FHIT: variants seen among roughly 807,000 people sequenced by gnomAD.
The protein encoded by FHIT is bis(5'-adenosyl)-triphosphatase.
Under a neutral mutation model 17.9 loss-of-function variants are expected in FHIT, and 19 were observed. The observed-to-expected ratio is 1.06, with a 90% confidence interval of 0.74 to 1.56. FHIT has a LOEUF of 1.56. Ranked by LOEUF, FHIT falls within the 40% of genes most tolerant of loss-of-function variation. The probability of loss-of-function intolerance (pLI) is 0.00; values close to 1 mark genes in which losing one functional copy is unlikely to be tolerated. For missense variants in FHIT, 248 were observed against 189.2 expected (o/e 1.31, Z -1.82); for synonymous variants, 81 against 69.7 (o/e 1.16, Z -0.81).
At chr3:59,804,064 TTCA>T (rs1480944312) in intron 8 of FHIT, among the ~76,000 whole-genome samples, 1 of 152,226 alleles carries the variant, frequency 6.6e-6, no homozygotes, top group Non-Finnish European at 1.5e-5. Flanking sequence ...GATGTGCATA[TTCA>T]TCATTGATGT....
chr3:59,871,611 A>G (rs1451436818), intron 8 of FHIT, among the ~76,000 whole-genome samples: 1 of 152,176 alleles, frequency 6.6e-6, no homozygotes, highest in Non-Finnish European at 1.5e-5. Context: ...GCCCACTCCA[A>G]AGAACTGATA....
At chr3:60,733,031 A>G (rs1215110834) in intron 4 of FHIT, among the ~76,000 whole-genome samples, 2 of 151,974 alleles carry the variant, frequency 1.3e-5, no homozygotes, top group Non-Finnish European at 2.9e-5. Flanking sequence ...TCTCACCCCC[A>G]TCTTTTTTTA....
chr3:60,890,221 T>TAAAAAAAAAAAAAAA lies in FHIT; in HGVS notation c.-110-68225_-110-68211dup, dbSNP rs59950717. Among the ~76,000 whole-genome samples, 40 of 115,624 alleles carry TAAAAAAAAAAAAAAA rather than the reference T, an allele frequency of 3.5e-4. 1 individual carries two copies. Among genetic ancestry groups the TAAAAAAAAAAAAAAA allele is most frequent in the African/African-American group, 1.1e-3 (28 of 26,406 alleles). The allele number at this position is 115,624 out of a possible 152,430, so 75.9% of individuals were successfully genotyped here. A position where few individuals can be genotyped will look rare whatever the true frequency, so the allele number is the denominator to read the frequency against. On this transcript the variant is annotated intron_variant, in intron 3 of 9. Coordinates refer to ENST00000492590, the MANE Select transcript of FHIT (RefSeq NM_002012.4). ...TTCCAAAAAATTAGCTTCCATGATGTAAAAAAAAAAAAAAAAAAAAAAAAA... is the reference window on the plus strand; with the variant it reads ...TTCCAAAAAATTAGCTTCCATGATGTAAAAAAAAAAAAAAAAAAAAAAAAAAAAAAAAAAAAAAAA...
chr3:60,601,792 A>G (rs370960292), intron 4 of FHIT, among the ~76,000 whole-genome samples: 1 of 152,202 alleles, frequency 6.6e-6, no homozygotes, highest in East Asian at 1.9e-4. Context: ...GAAACTAAAA[A>G]GAATCTTCAA....
chr3:60,349,308 T>C (rs1208825772), intron 5 of FHIT, among the ~76,000 whole-genome samples: 1 of 152,172 alleles, frequency 6.6e-6, no homozygotes, highest in African/African-American at 2.4e-5. Flanking sequence ...TTCTAGGTAC[T>C]GAGAAGATTC....
chr3:60,402,742 A>G (rs1184187382), intron 5 of FHIT, among the ~76,000 whole-genome samples: 2 of 152,210 alleles, frequency 1.3e-5, no homozygotes, highest in Non-Finnish European at 2.9e-5. Flanking sequence ...AAATAGTCCA[A>G]AAATGAAACA....
intron 1 of FHIT, among the ~76,000 whole-genome samples, chr3:61,231,293 A>T (rs2040093973): frequency 6.6e-6 from 1 of 152,124 alleles, no homozygotes; most frequent in Non-Finnish European, 1.5e-5. Context: ...GGCATTTGAA[A>T]CCAGCCTGGA....
chr3:60,127,667 T>C (rs1013398377), intron 5 of FHIT, among the ~76,000 whole-genome samples: 3 of 152,270 alleles, frequency 2.0e-5, no homozygotes, highest in Middle Eastern at 3.4e-3. Context: ...AGTAGCATGA[T>C]CTAGGCCCAC....
rs577206717 is a variant in FHIT at position 59,988,808 on chromosome 3, A to G, written c.279+22563T>C. 2.0e-5 allele frequency among the ~76,000 whole-genome samples: 3 copies of G among 152,232 alleles called. No individual in the cohort carries two copies. The East Asian group carries it at 5.8e-4, about 30-fold the overall frequency. On this transcript the variant is annotated intron_variant, in intron 7 of 9. Transcript: ENST00000492590. Reference sequence around the variant, plus strand: ...AGAGGTTAAGTAAGTAGGAAGTAGGACAAGCCCTCCAAGATAGGGGAATGC... The same window carrying G: ...AGAGGTTAAGTAAGTAGGAAGTAGGGCAAGCCCTCCAAGATAGGGGAATGC...
At chr3:61,008,452 G>C (rs2031586577) in intron 3 of FHIT, among the ~76,000 whole-genome samples, 1 of 152,006 alleles carries the variant, frequency 6.6e-6, no homozygotes, top group African/African-American at 2.4e-5. Flanking sequence ...CCTGCATTGG[G>C]AGAACAAAAG....
At chr3:60,336,247 A>C (rs769834118) in intron 5 of FHIT, among the ~76,000 whole-genome samples, 31 of 152,352 alleles carry the variant, frequency 2.0e-4, no homozygotes, top group Middle Eastern at 3.4e-3. Flanking sequence ...GCAAATACAA[A>C]GCACTCACAT....
chr3:60,822,972 C>T (rs146824855), intron 3 of FHIT, among the ~76,000 whole-genome samples: 2 of 152,288 alleles, frequency 1.3e-5, no homozygotes, highest in African/African-American at 4.8e-5. Context: ...CCTAGGATCT[C>T]ATTTAGAGGT....
At chr3:60,606,482 C>A (rs1177413659) in intron 4 of FHIT, among the ~76,000 whole-genome samples, 1 of 152,104 alleles carries the variant, frequency 6.6e-6, no homozygotes, top group East Asian at 1.9e-4. Flanking sequence ...TTCAGGCAAT[C>A]TGCCCGCCTC....
intron 3 of FHIT, among the ~76,000 whole-genome samples, chr3:61,024,799 A>G (rs1274700120): frequency 6.6e-6 from 1 of 152,202 alleles, no homozygotes; most frequent in Non-Finnish European, 1.5e-5. Flanking sequence ...AAAATAAAAT[A>G]TGCTAAACAT....
chr3:60,050,062 A>C (rs1701810275), intron 5 of FHIT, among the ~76,000 whole-genome samples: 1 of 152,206 alleles, frequency 6.6e-6, no homozygotes, highest in African/African-American at 2.4e-5. Flanking sequence ...TAGCCATTCA[A>C]AGTTCCCCTT....
chr3:60,089,613 G>A (rs945472884), intron 5 of FHIT, among the ~76,000 whole-genome samples: 1 of 152,150 alleles, frequency 6.6e-6, no homozygotes. Context: ...CTGGATGAAA[G>A]GCTTACCCAC....
At chr3:60,940,236 G>C (rs889145386) in intron 3 of FHIT, among the ~76,000 whole-genome samples, 5 of 152,156 alleles carry the variant, frequency 3.3e-5, no homozygotes, top group Admixed American at 2.6e-4. Context: ...GTTCTGCCCA[G>C]GTTTTGATGA....
chr3:60,366,938 C>T (rs1700128994), intron 5 of FHIT, among the ~76,000 whole-genome samples: 2 of 152,256 alleles, frequency 1.3e-5, no homozygotes, highest in South Asian at 4.2e-4. Context: ...TAGGTTGAGG[C>T]TATACCTATG....
chr3:60,307,915 T>C (rs1423489853), intron 5 of FHIT, among the ~76,000 whole-genome samples: 1 of 152,152 alleles, frequency 6.6e-6, no homozygotes, highest in African/African-American at 2.4e-5. Flanking sequence ...TTGCTAATGA[T>C]GCTGACAGTA....
Sources: gnomAD v4.1 joint callset for allele counts (sites outside exome capture counted in the v4.1 genomes callset) on GRCh38, gnomAD v4.1.1 for gene constraint, MANE v1.5 for transcripts, NCBI Gene and HGNC (gene_info 2026-07-23, HGNC 2026-07-21) for gene names.